Variants in JMY observed in about 807,000 individuals in gnomAD.
JMY encodes the protein junction-mediating and -regulatory protein.
A neutral mutation model predicts 103.3 loss-of-function variants in JMY; 46 were observed. The observed-to-expected ratio is 0.45, with a 90% CI of 0.35 to 0.57. JMY has a LOEUF of 0.57. Among genes scored for constraint, JMY ranks in the 20% least tolerant of loss-of-function variants. The pLI is 0.00. For synonymous variants in JMY, 526 were observed against 489.3 expected (o/e 1.07, Z -0.99); for missense variants, 1,238 against 1,255.2 (o/e 0.99, Z 0.21).
rs1464172927 is a variant in JMY, at chr5:79,323,262, T to TTTTA, written c.*1669_*1672dup. 3 of 152,238 alleles carry TTTTA rather than the reference T, an allele frequency of 2.0e-5. No individual in the cohort carries two copies. The highest frequency in any genetic ancestry group is 2.9e-5 in the Non-Finnish European group (2 of 68,042). 9.4% of individuals were successfully genotyped at this position (152,238 alleles called of 1,614,324 possible). ...CCTCTGTGCCCAGCCTGACAAAATC[T>TTTTA]TTTATTTATTTAAATGTTAGTAATA... On this transcript the variant is annotated 3_prime_UTR_variant, in exon 11 of 11. Coordinates refer to ENST00000396137, the MANE Select transcript of JMY (RefSeq NM_152405.5).
chr5:79,278,946 T>G (rs1395271507), intron 2 of JMY, among the ~76,000 whole-genome samples: 1 of 152,156 alleles, frequency 6.6e-6, no homozygotes, highest in Non-Finnish European at 1.5e-5. Context: ...TGGGAACATT[T>G]GTTTTAGAAG....
chr5:79,274,833 G>T (rs550291583), intron 1 of JMY, among the ~76,000 whole-genome samples: 1 of 152,296 alleles, frequency 6.6e-6, no homozygotes, highest in Admixed American at 6.5e-5. Context: ...TGTTCCCTCA[G>T]AGTGTTGATT....
rs1410894787 is a variant in JMY, at chr5:79,236,605, G to A, written c.-46G>A. On this transcript the variant is annotated 5_prime_UTR_variant, in exon 1 of 11. Transcript: ENST00000396137. Reference sequence around the variant, plus strand: ...CGCAGCCAGCGGGGAGTCCTCGGGCGGGCCGGGCCGGCGGCCCTTCCCCGC... The same window carrying A: ...CGCAGCCAGCGGGGAGTCCTCGGGCAGGCCGGGCCGGCGGCCCTTCCCCGC... The A allele has an allele frequency of 7.5e-7, 1 of 1,327,044 alleles. No homozygotes were observed. Among genetic ancestry groups the A allele is most frequent in the Non-Finnish European group, 9.7e-7 (1 of 1,027,024 alleles). 82.2% of individuals were successfully genotyped at this position (1,327,044 alleles called of 1,614,324 possible).
chr5:79,270,568 AAAATG>A (rs1479300312), intron 1 of JMY, among the ~76,000 whole-genome samples: 17,605 of 134,624 alleles, frequency 0.13, 5,385 homozygotes, highest in Non-Finnish European at 0.17. Context: ...ATAAATATTT[AAAATG>A]TATATTTACA....
At chr5:79,261,701 A>G (rs1295971822) in intron 1 of JMY, among the ~76,000 whole-genome samples, 1 of 152,200 alleles carries the variant, frequency 6.6e-6, no homozygotes, top group Non-Finnish European at 1.5e-5. Flanking sequence ...ATCTTCAGAG[A>G]AAGGCGTAGA....
intron 1 of JMY, among the ~76,000 whole-genome samples, chr5:79,260,570 T>TC (rs958907344): frequency 2.0e-5 from 3 of 151,780 alleles, no homozygotes; most frequent in African/African-American, 7.2e-5. Context: ...TTTTTTTTTT[T>TC]TGTAGAGACG....
intron 1 of JMY, among the ~76,000 whole-genome samples, chr5:79,240,897 T>A (rs939234823): frequency 1.3e-5 from 2 of 152,252 alleles, no homozygotes; most frequent in Non-Finnish European, 2.9e-5. Context: ...TGTGTTATTC[T>A]ATTGACTTAG....
chr5:79,278,210 G>A, intron 2 of JMY, 127 bp downstream of exon 2: 1 of 785,188 alleles, frequency 1.3e-6, no homozygotes, highest in Non-Finnish European at 1.9e-6. Flanking sequence ...TCCTATTTCT[G>A]CAAAGTTTCT....
At chr5:79,315,436 C>T (rs937850132) in intron 9 of JMY, among the ~76,000 whole-genome samples, 3 of 152,054 alleles carry the variant, frequency 2.0e-5, no homozygotes, top group African/African-American at 7.2e-5. Context: ...TAACCCTTGC[C>T]TTTTGCCTTT....
At chr5:79,269,896 T>TA (rs200217620) in intron 1 of JMY, among the ~76,000 whole-genome samples, 5 of 152,044 alleles carry the variant, frequency 3.3e-5, no homozygotes, top group South Asian at 4.2e-4. Context: ...TCCAGCTAAT[T>TA]AAAAAATTTT....
At chr5:79,256,419 T>C (rs1188436775) in intron 1 of JMY, among the ~76,000 whole-genome samples, 2 of 152,018 alleles carry the variant, frequency 1.3e-5, no homozygotes, top group Non-Finnish European at 2.9e-5. Context: ...CACTTGGTGT[T>C]CTACCCCACC....
chr5:79,308,972 T>G (rs1245069605), intron 7 of JMY, among the ~76,000 whole-genome samples: 3 of 152,154 alleles, frequency 2.0e-5, no homozygotes. Context: ...ATAAATAGTA[T>G]TATGTTTTTA....
chr5:79,237,446 A>G lies in JMY; in HGVS notation c.796A>G (p.Met266Val). The change falls in exon 1 of 11, where the codon ATG (methionine) becomes GTG (valine). Residue 266 changes from methionine to valine, a missense_variant. Met to Val is a conservative substitution (Grantham distance 21). Coordinates refer to ENST00000396137, the MANE Select transcript of JMY (RefSeq NM_152405.5). ...GGTGTTCCCCGAGGAACCTTCGGGC[A>G]TGTGGACTGTGCTGTTTGGGGGCGC... ...LPVFPEEPSGMWTVLFGGAPE... is the reference protein window; with the variant it reads ...LPVFPEEPSGVWTVLFGGAPE... 1 of 1,613,770 alleles carries G rather than the reference A, an allele frequency of 6.2e-7. No individual in the cohort carries two copies.
Position 79,314,855 on chromosome 5 carries a change from C to A in JMY, c.2659+4C>A, listed in dbSNP as rs1264905701. On this transcript the variant is annotated splice_donor_region_variant and intron_variant, in intron 9 of 10. Transcript: ENST00000396137. ...GAAGGTTTGCAGAGGAGGAGAGGTA[C>A]GTCAACATATTTTCATGGTCCATCT... 2.6e-6 allele frequency: 4 copies of A among 1,541,668 alleles called. No individual in the cohort carries two copies. In the South Asian group the frequency reaches 5.1e-5, roughly 20 times the overall value.
chr5:79,284,497 A>T, intron 2 of JMY: 1 of 1,587,968 alleles, frequency 6.3e-7, no homozygotes, highest in Middle Eastern at 1.7e-4. Flanking sequence ...GTTTTTTAGT[A>T]AAACCAACAC....
At chr5:79,270,694 T>C (rs1286480890) in intron 1 of JMY, among the ~76,000 whole-genome samples, 1 of 144,454 alleles carries the variant, frequency 6.9e-6, no homozygotes, top group Non-Finnish European at 1.5e-5. Flanking sequence ...TATTAATATA[T>C]TTATATATTA....
intron 7 of JMY, among the ~76,000 whole-genome samples, chr5:79,311,801 GTTGAT>G (rs1272660095): frequency 6.6e-6 from 1 of 152,106 alleles, no homozygotes; most frequent in African/African-American, 2.4e-5. Flanking sequence ...TATATTGGTT[GTTGAT>G]TTGATTGCTT....
In JMY at chr5:79,325,185, C is replaced by T. The variant is rs1423946348; in HGVS notation, c.*3583C>T. On this transcript the variant is annotated 3_prime_UTR_variant, in exon 11 of 11. Transcript: ENST00000396137. ...CATGAGTGTTTGTATAAATTTAAGT[C>T]AATGCTTTTAGCCTAGGCAAAGCTA... 3 of 152,310 alleles carry T rather than the reference C, an allele frequency of 2.0e-5. No homozygotes were observed. Among genetic ancestry groups the T allele is most frequent in the Non-Finnish European group, 4.4e-5 (3 of 68,008 alleles). 9.4% of individuals were successfully genotyped at this position (152,310 alleles called of 1,614,324 possible).
chr5:79,303,017 G>A (rs564519939), intron 6 of JMY, among the ~76,000 whole-genome samples: 32 of 152,294 alleles, frequency 2.1e-4, no homozygotes, highest in Non-Finnish European at 3.4e-4. Context: ...ATTGGGCATT[G>A]AGGTAGATGA....
Sources: gnomAD v4.1 joint callset for allele counts (sites outside exome capture counted in the v4.1 genomes callset) on GRCh38, gnomAD v4.1.1 for gene constraint, MANE v1.5 for transcripts, NCBI Gene and HGNC (gene_info 2026-07-23, HGNC 2026-07-21) for gene names.